NLGN1: variants seen among roughly 807,000 people sequenced by gnomAD.
The protein encoded by NLGN1 is neuroligin 1, also known as neuroligin-1.
NLGN1 carries 12 observed loss-of-function variants against 65.5 expected under a neutral mutation model. The observed-to-expected ratio is 0.18, with a 90% CI of 0.12 to 0.30. NLGN1 has a LOEUF of 0.30. Among genes scored for constraint, NLGN1 ranks in the 10% least tolerant of loss-of-function variants. The pLI is 1.00. For synonymous variants in NLGN1, 350 were observed against 359.5 expected (o/e 0.97, Z 0.30); for missense variants, 750 against 1,007.1 (o/e 0.74, Z 3.46).
chr3:173,503,970 A>G (rs758915712), intron 2 of NLGN1, among the ~76,000 whole-genome samples: 15 of 152,192 alleles, frequency 9.9e-5, no homozygotes, highest in Middle Eastern at 6.8e-3. Flanking sequence ...GAAATAACAC[A>G]TATGAGTTAT....
At chr3:173,599,792 G>C (rs1750123307) in intron 2 of NLGN1, among the ~76,000 whole-genome samples, 2 of 152,076 alleles carry the variant, frequency 1.3e-5, no homozygotes, top group African/African-American at 2.4e-5. Context: ...AAATGTATTT[G>C]TAATCCTAAA....
chr3:173,978,492 T>C (rs985429430), intron 4 of NLGN1, among the ~76,000 whole-genome samples: 9 of 151,944 alleles, frequency 5.9e-5, no homozygotes, highest in African/African-American at 2.2e-4. Flanking sequence ...GAAGTACCTA[T>C]GAAAACAAAG....
chr3:173,886,507 A>G (rs1578994766), intron 4 of NLGN1, among the ~76,000 whole-genome samples: 1 of 152,084 alleles, frequency 6.6e-6, no homozygotes, highest in Admixed American at 6.6e-5. Context: ...TATTAAGACA[A>G]AGAATATTCA....
chr3:173,679,937 A>G (rs944977247), intron 3 of NLGN1, among the ~76,000 whole-genome samples: 1 of 152,156 alleles, frequency 6.6e-6, no homozygotes, highest in African/African-American at 2.4e-5. Flanking sequence ...CATGCCAAGG[A>G]AACAATTAAT....
intron 4 of NLGN1, among the ~76,000 whole-genome samples, chr3:174,225,615 C>G (rs1288558084): frequency 6.6e-6 from 1 of 152,052 alleles, no homozygotes; most frequent in African/African-American, 2.4e-5. Context: ...CCTGTAGTCC[C>G]AGCTACTCCG....
chr3:173,434,751 CA>C (rs1425841971), intron 1 of NLGN1, among the ~76,000 whole-genome samples: 1 of 152,082 alleles, frequency 6.6e-6, no homozygotes, highest in African/African-American at 2.4e-5. Context: ...GTTATTTATC[CA>C]ATTTTCAGTG....
intron 4 of NLGN1, among the ~76,000 whole-genome samples, chr3:174,133,303 G>T (rs902296033): frequency 4.6e-5 from 7 of 152,124 alleles, no homozygotes; most frequent in African/African-American, 1.7e-4. Context: ...CTGTTTTCTT[G>T]TCTTGAGCCT....
At chr3:174,260,940 G>T (rs1186486389) in intron 4 of NLGN1, among the ~76,000 whole-genome samples, 1 of 150,110 alleles carries the variant, frequency 6.7e-6, no homozygotes, top group Non-Finnish European at 1.5e-5. Context: ...ATTAAACAGG[G>T]AATCCTTTCC....
In NLGN1 at chr3:174,280,591, A is replaced by G; in HGVS notation, c.1760A>G (p.His587Arg). ...TCCCAGAAAGACCAACTTTATCTCCATATTGGATTAAAACCAAGAGTTAAA... is the reference window on the plus strand; with the variant it reads ...TCCCAGAAAGACCAACTTTATCTCCGTATTGGATTAAAACCAAGAGTTAAA... Residue 587 changes from histidine (H) to arginine (R), a missense_variant, in exon 7 of 7, where the codon CAT becomes CGT. By Grantham distance (29) the His-to-Arg change is conservative. Coordinates refer to ENST00000457714, the Ensembl canonical transcript of NLGN1. The surrounding 1 kb of genome is among the most constrained non-coding windows in gnomAD (Gnocchi z 4.9). 6.2e-7 allele frequency: 1 copy of G among 1,613,198 alleles called. No individual in the cohort carries two copies. Among genetic ancestry groups the G allele is most frequent in the Non-Finnish European group, 8.5e-7 (1 of 1,179,444 alleles).
chr3:173,549,160 C>A (rs1347007870), intron 2 of NLGN1, among the ~76,000 whole-genome samples: 1 of 151,792 alleles, frequency 6.6e-6, no homozygotes, highest in Admixed American at 6.6e-5. Flanking sequence ...TAGTTTGTAA[C>A]TATTCCCTTT....
chr3:174,047,988 T>G (rs1029132973), intron 4 of NLGN1, among the ~76,000 whole-genome samples: 1 of 152,032 alleles, frequency 6.6e-6, no homozygotes, highest in African/African-American at 2.4e-5. Flanking sequence ...ATATGAACCT[T>G]CTAGAAAGCA....
rs75226055 is a variant in NLGN1 at position 174,048,113 on chromosome 3, C to T, written c.647-227202C>T. Among the ~76,000 whole-genome samples the T allele has an allele frequency of 5.9e-3, 900 of 152,168 alleles. 6 individuals are homozygous for T. The highest frequency in any genetic ancestry group is 0.051 in the Middle Eastern group (15 of 292). ...AAGGAGAGAATTGTTTTCTATCTAA[C>T]CTCAAAAAGAGAACATTGTGGGATA... On this transcript the variant is annotated intron_variant, in intron 4 of 6. Coordinates refer to ENST00000457714, the Ensembl canonical transcript of NLGN1.
chr3:174,242,243 C>T (rs1226897341), intron 4 of NLGN1, among the ~76,000 whole-genome samples: 2 of 151,800 alleles, frequency 1.3e-5, no homozygotes, highest in Non-Finnish European at 2.9e-5. Context: ...CAGGGGTCCC[C>T]ATCCCCCAGG....
At chr3:173,728,165 G>A (rs976077521) in intron 3 of NLGN1, among the ~76,000 whole-genome samples, 5 of 152,074 alleles carry the variant, frequency 3.3e-5, no homozygotes, top group Admixed American at 2.6e-4. Flanking sequence ...GGTAGAATTC[G>A]AAGTGAGAGA....
chr3:173,942,040 A>T (rs1746192456), intron 4 of NLGN1, among the ~76,000 whole-genome samples: 1 of 149,266 alleles, frequency 6.7e-6, no homozygotes, highest in Non-Finnish European at 1.5e-5. Flanking sequence ...CTTCTTATTT[A>T]CTGCTAAGTT....
At position 173,488,440 on chromosome 3, in the gene NLGN1, G is replaced by A. The variant is rs901987355; in HGVS notation, c.-321+53362G>A. ...ATTGAATTCTCTTTTCTTGATGTGC[G>A]TTCTTTGTCATTTCTTTCAATGGCA... is the stretch of plus-strand genomic sequence containing the variant. On this transcript the variant is annotated intron_variant, in intron 2 of 6. Coordinates refer to ENST00000457714, the Ensembl canonical transcript of NLGN1. Among the ~76,000 whole-genome samples, 6 of 151,726 alleles carry A rather than the reference G, an allele frequency of 4.0e-5. No individual in the cohort carries two copies. In the East Asian group the frequency reaches 9.6e-4, roughly 24 times the overall value.
intron 2 of NLGN1, among the ~76,000 whole-genome samples, chr3:173,587,250 G>A (rs751168328): frequency 2.2e-4 from 33 of 152,036 alleles, no homozygotes; most frequent in Non-Finnish European, 4.3e-4. Flanking sequence ...ATTCTCTTTT[G>A]TCAGTTAAAA....
intron 2 of NLGN1, among the ~76,000 whole-genome samples, chr3:173,529,153 G>C (rs1425067701): frequency 6.6e-6 from 1 of 152,166 alleles, no homozygotes; most frequent in African/African-American, 2.4e-5. Flanking sequence ...TTGAGGATGT[G>C]ACTGTACAGT....
intron 2 of NLGN1, among the ~76,000 whole-genome samples, chr3:173,531,435 A>G (rs889418253): frequency 1.3e-5 from 2 of 152,132 alleles, no homozygotes; most frequent in African/African-American, 4.8e-5. Context: ...TTCAATTTTT[A>G]GAAAAAAATC....
Sources: gnomAD v4.1 joint callset for allele counts (sites outside exome capture counted in the v4.1 genomes callset) on GRCh38, gnomAD v4.1.1 for gene constraint, Gnocchi (gnomAD v3.1) non-coding constraint, MANE v1.5 for transcripts, NCBI Gene and HGNC (gene_info 2026-07-23, HGNC 2026-07-21) for gene names.